The following DCUN1D4 variants were observed in gnomAD, a reference collection of about 807,000 sequenced individuals.
DCUN1D4 encodes the protein DCN1-like protein 4.
DCUN1D4 carries 22 observed loss-of-function variants against 47.9 expected under a neutral mutation model. The ratio of observed to expected loss-of-function variants is 0.46; its 90% CI spans 0.33 to 0.66. The LOEUF (loss-of-function observed/expected upper bound fraction) is 0.66, where lower values mean the gene tolerates loss of function less well. DCUN1D4 is among the 30% of genes least tolerant of loss of function. The pLI is 0.02. For synonymous variants in DCUN1D4, 121 were observed against 112.2 expected (o/e 1.08, Z -0.50); for missense variants, 301 against 340.8 (o/e 0.88, Z 0.92).
At chr4:51,880,160 A>G (rs898379922) in intron 5 of DCUN1D4, among the ~76,000 whole-genome samples, 3 of 152,198 alleles carry the variant, frequency 2.0e-5, no homozygotes, top group African/African-American at 2.4e-5. Flanking sequence ...GTGTATCTCA[A>G]CCACATAAAC....
chr4:51,838,498 C>G (rs1394837042), upstream of DCUN1D4, among the ~76,000 whole-genome samples: 1 of 152,160 alleles, frequency 6.6e-6, no homozygotes, highest in Non-Finnish European at 1.5e-5. Context: ...CCTCCCACCT[C>G]AGCCACCTGA....
chr4:51,845,537 C>T (rs1478394662), intron 1 of DCUN1D4, among the ~76,000 whole-genome samples: 2 of 152,166 alleles, frequency 1.3e-5, no homozygotes, highest in African/African-American at 4.8e-5. Context: ...TAGAAACCTT[C>T]CTCTCCATAA....
At chr4:51,838,301 T>C (rs1002621557), upstream of DCUN1D4, among the ~76,000 whole-genome samples, 31 of 152,210 alleles carry the variant, frequency 2.0e-4, no homozygotes, top group Non-Finnish European at 4.6e-4. Context: ...TTCTGACCCA[T>C]ACTTTTCATT....
intron 5 of DCUN1D4, among the ~76,000 whole-genome samples, chr4:51,880,586 G>A (rs987971142): frequency 6.0e-4 from 92 of 152,150 alleles, no homozygotes; most frequent in Non-Finnish European, 1.8e-4. Context: ...GTCATCCTCT[G>A]CACATTCTAG....
intron 8 of DCUN1D4, among the ~76,000 whole-genome samples, chr4:51,903,694 CTG>C (rs1478759772): frequency 2.0e-5 from 3 of 151,982 alleles, no homozygotes; most frequent in East Asian, 1.9e-4. Flanking sequence ...TCAGTTTTTT[CTG>C]TGTCTCATTT....
At chr4:51,887,904 GT>G (rs76995556) in intron 6 of DCUN1D4, among the ~76,000 whole-genome samples, 1,640 of 128,288 alleles carry the variant, frequency 0.013, 7 homozygotes, top group East Asian at 0.028. Context: ...TTTTTTTTTG[GT>G]TTTTTTTTTT....
chr4:51,838,802 G>A (rs1017409797), upstream of DCUN1D4, among the ~76,000 whole-genome samples: 2 of 152,154 alleles, frequency 1.3e-5, no homozygotes, highest in Non-Finnish European at 2.9e-5. Flanking sequence ...CTGGCCAGGT[G>A]CGGTGGCTCA....
intron 7 of DCUN1D4, among the ~76,000 whole-genome samples, chr4:51,894,293 G>A (rs960261727): frequency 6.6e-6 from 1 of 152,120 alleles, no homozygotes; most frequent in Non-Finnish European, 1.5e-5. Context: ...TCAGTGAGGT[G>A]GAGATAATTA....
intron 8 of DCUN1D4, among the ~76,000 whole-genome samples, chr4:51,905,846 A>G (rs888023338): frequency 1.3e-5 from 2 of 152,160 alleles, no homozygotes; most frequent in Admixed American, 6.5e-5. Context: ...ATGTGTTTCT[A>G]GCATTGCAGT....
chr4:51,849,122 T>C (rs780155374), intron 1 of DCUN1D4, among the ~76,000 whole-genome samples: 20 of 152,236 alleles, frequency 1.3e-4, no homozygotes, highest in Non-Finnish European at 2.9e-4. Context: ...ATGGACACTG[T>C]CAGTCCATTG....
At chr4:51,877,508 T>C in intron 4 of DCUN1D4, 1 of 275,622 alleles carries the variant, frequency 3.6e-6, no homozygotes, top group Non-Finnish European at 6.9e-6. Context: ...ACCTGTTCTG[T>C]TCAGTTCTTA....
intron 6 of DCUN1D4, among the ~76,000 whole-genome samples, chr4:51,891,167 T>A (rs1730368813): frequency 6.6e-6 from 1 of 152,262 alleles, no homozygotes; most frequent in African/African-American, 2.4e-5. Flanking sequence ...TTGTTATGTT[T>A]TAATACACTG....
upstream of DCUN1D4, among the ~76,000 whole-genome samples, chr4:51,839,175 A>C (rs1193484598): frequency 6.8e-6 from 1 of 146,264 alleles, no homozygotes; most frequent in Non-Finnish European, 1.5e-5. Context: ...GAAGGAAGGA[A>C]GGAAGAAAGG....
chr4:51,907,260 T>G (rs1199446503), intron 8 of DCUN1D4, among the ~76,000 whole-genome samples: 3 of 152,232 alleles, frequency 2.0e-5, no homozygotes, highest in Non-Finnish European at 2.9e-5. Context: ...CTTAATTGAT[T>G]GCCTTGCAAA....
intron 5 of DCUN1D4, chr4:51,884,220 C>A (rs1321886976): frequency 6.6e-6 from 1 of 152,100 alleles, no homozygotes; most frequent in African/African-American, 2.4e-5. Flanking sequence ...TAGGGGGAGC[C>A]AAGGATTTGA....
rs573532150 is a variant in DCUN1D4 at position 51,843,163 on chromosome 4, C to T, written c.-80C>T. ...CGGCGGCGGGTCCTCAGCTTCGAGCCGAGGTGCAGTGAGCTGGTGGGGGGA... is the reference window on the plus strand; with the variant it reads ...CGGCGGCGGGTCCTCAGCTTCGAGCTGAGGTGCAGTGAGCTGGTGGGGGGA... On this transcript the variant is annotated 5_prime_UTR_variant, in exon 1 of 11. Transcript: ENST00000334635. 4 of 1,523,882 alleles carry T rather than the reference C, an allele frequency of 2.6e-6. No individual in the cohort carries two copies. The South Asian group carries it at 3.7e-5, about 14-fold the overall frequency. 94.4% of individuals were successfully genotyped at this position (1,523,882 alleles called of 1,614,324 possible).
chr4:51,859,835 G>A (rs1724756393), intron 1 of DCUN1D4, among the ~76,000 whole-genome samples: 1 of 152,038 alleles, frequency 6.6e-6, no homozygotes, highest in South Asian at 2.1e-4. Flanking sequence ...ACTCAGCACT[G>A]CTTTACTTTG....
intron 5 of DCUN1D4, among the ~76,000 whole-genome samples, chr4:51,882,721 T>C (rs1728861773): frequency 6.6e-6 from 1 of 152,032 alleles, no homozygotes; most frequent in South Asian, 2.1e-4. Context: ...GAGCCGAGAT[T>C]GCACCACTGC....
chr4:51,889,237 G>A (rs956291611), intron 6 of DCUN1D4, among the ~76,000 whole-genome samples: 5 of 152,172 alleles, frequency 3.3e-5, no homozygotes, highest in African/African-American at 9.7e-5. Flanking sequence ...AAACTCTGAT[G>A]TGCTATATCA....
Sources: gnomAD v4.1 joint callset for allele counts (sites outside exome capture counted in the v4.1 genomes callset) on GRCh38, gnomAD v4.1.1 for gene constraint, MANE v1.5 for transcripts, NCBI Gene and HGNC (gene_info 2026-07-23, HGNC 2026-07-21) for gene names.